SNTG2: variants seen among roughly 807,000 people sequenced by gnomAD.
SNTG2 encodes syntrophin gamma 2, also known as gamma-2-syntrophin.
In SNTG2, 74 loss-of-function variants were observed where a neutral mutation model predicts 70.9. That is an observed-to-expected ratio of 1.04 (90% CI 0.86 to 1.27). SNTG2 has a LOEUF of 1.27. Among genes scored for constraint, SNTG2 ranks in the 50% most tolerant of loss-of-function variants. The pLI is 0.00. For synonymous variants in SNTG2, 278 were observed against 273.8 expected (o/e 1.02, Z -0.15); for missense variants, 717 against 690.7 (o/e 1.04, Z -0.43).
intron 1 of SNTG2, among the ~76,000 whole-genome samples, chr2:1,059,806 A>T (rs1249981839): frequency 6.6e-6 from 1 of 152,242 alleles, no homozygotes; most frequent in East Asian, 1.9e-4. Context: ...AAACTGAGAC[A>T]TATCTGAAAA....
chr2:1,046,874 T>C (rs1355090652), intron 1 of SNTG2, among the ~76,000 whole-genome samples: 1 of 152,192 alleles, frequency 6.6e-6, no homozygotes, highest in East Asian at 1.9e-4. Flanking sequence ...TCAGGGGTCC[T>C]CTGAATTTCC....
chr2:996,673 G>GTTTTTTTCTTTTTTTTTTTTTTTTTTT (rs1661690956), intron 1 of SNTG2, among the ~76,000 whole-genome samples: 1 of 35,114 alleles, frequency 2.8e-5, no homozygotes, highest in African/African-American at 1.3e-4. Context: ...GAGTTACCCA[G>GTTTTTTTCTTTTTTTTTTTTTTTTTTT]TTTTTTTTTT....
At chr2:1,312,259 T>G (rs916288836) in intron 15 of SNTG2, among the ~76,000 whole-genome samples, 6 of 152,188 alleles carry the variant, frequency 3.9e-5, no homozygotes, top group African/African-American at 1.4e-4. Context: ...ACCCCCTAGC[T>G]GCTAGAGATG....
At chr2:1,000,534 A>C (rs1373294375) in intron 1 of SNTG2, among the ~76,000 whole-genome samples, 2 of 151,898 alleles carry the variant, frequency 1.3e-5, no homozygotes, top group Non-Finnish European at 2.9e-5. Flanking sequence ...GAAATACATA[A>C]ATTCTTGGAA....
At chr2:1,236,116 C>G (rs1676640485) in intron 9 of SNTG2, among the ~76,000 whole-genome samples, 1 of 152,166 alleles carries the variant, frequency 6.6e-6, no homozygotes, top group African/African-American at 2.4e-5. Flanking sequence ...TATGTCGCAC[C>G]AGTTAACATG....
intron 6 of SNTG2, among the ~76,000 whole-genome samples, chr2:1,148,400 G>A (rs1373941051): frequency 6.6e-6 from 1 of 152,222 alleles, no homozygotes; most frequent in Non-Finnish European, 1.5e-5. Flanking sequence ...GGGCAGCCCA[G>A]GTGCATGCTT....
chr2:1,364,826 C>T (rs962808308), intron 16 of SNTG2, among the ~76,000 whole-genome samples: 3 of 151,540 alleles, frequency 2.0e-5, no homozygotes, highest in East Asian at 1.9e-4. Context: ...AGGAGAATGG[C>T]GTGAACCCAG....
intron 1 of SNTG2, among the ~76,000 whole-genome samples, chr2:1,008,777 AAAAT>A (rs1400901673): frequency 6.6e-6 from 1 of 152,222 alleles, no homozygotes; most frequent in Non-Finnish European, 1.5e-5. Context: ...CTTTTCCATA[AAAAT>A]AAATACAAGT....
intron 1 of SNTG2, among the ~76,000 whole-genome samples, chr2:1,080,180 G>GCATCGGTCACTGGGGGATCTGGA (rs367635467): frequency 0.025 from 3,749 of 152,204 alleles, 175 homozygotes; most frequent in African/African-American, 0.086. Context: ...GTGCTCAGAT[G>GCATCGGTCACTGGGGGATCTGGA]CATCGGTCAC....
intron 4 of SNTG2, among the ~76,000 whole-genome samples, chr2:1,106,129 C>CTGTG (rs1666126004): frequency 2.6e-5 from 2 of 77,916 alleles, no homozygotes; most frequent in African/African-American, 6.8e-5. Flanking sequence ...TAGTGGACAC[C>CTGTG]TGCTGTCACT....
At chr2:1,334,285 TAAAAAAC>T (rs1659685326) in intron 16 of SNTG2, among the ~76,000 whole-genome samples, 1 of 151,990 alleles carries the variant, frequency 6.6e-6, no homozygotes, top group Non-Finnish European at 1.5e-5. Flanking sequence ...ATCAAAAAGT[TAAAAAAC>T]AATAGATGTC....
At chr2:1,365,406 A>C (rs1421078469) in intron 16 of SNTG2, among the ~76,000 whole-genome samples, 1 of 152,230 alleles carries the variant, frequency 6.6e-6, no homozygotes, top group East Asian at 1.9e-4. Context: ...ATTCACATGC[A>C]TAGGAAGGAA....
At chr2:1,042,401 G>T (rs1661490030) in intron 1 of SNTG2, among the ~76,000 whole-genome samples, 1 of 152,004 alleles carries the variant, frequency 6.6e-6, no homozygotes, top group Admixed American at 6.6e-5. Context: ...AGGTTCGGGG[G>T]TACACGTGCA....
At chr2:1,307,902 A>G (rs941560199) in intron 14 of SNTG2, among the ~76,000 whole-genome samples, 2 of 152,124 alleles carry the variant, frequency 1.3e-5, no homozygotes, top group Admixed American at 6.5e-5. Context: ...CGCCCTCCGC[A>G]CAAACCACCG....
chr2:1,158,661 G>A (rs1249659204), intron 6 of SNTG2, among the ~76,000 whole-genome samples: 1 of 152,204 alleles, frequency 6.6e-6, no homozygotes, highest in Non-Finnish European at 1.5e-5. Context: ...GGCACAGCAC[G>A]GCCAGGGGTG....
chr2:953,846 T>C (rs1176209643), intron 1 of SNTG2, among the ~76,000 whole-genome samples: 1 of 152,226 alleles, frequency 6.6e-6, no homozygotes, highest in Non-Finnish European at 1.5e-5. Flanking sequence ...AACAGCTTCT[T>C]GTCTCTGGAT....
At chr2:992,297 T>TA (rs1416095414) in intron 1 of SNTG2, among the ~76,000 whole-genome samples, 1 of 151,804 alleles carries the variant, frequency 6.6e-6, no homozygotes, top group Non-Finnish European at 1.5e-5. Flanking sequence ...CAAGTAAAAA[T>TA]ATGAGATAGT....
At chr2:1,069,504 A>T (rs1198031080) in intron 1 of SNTG2, among the ~76,000 whole-genome samples, 1 of 149,834 alleles carries the variant, frequency 6.7e-6, no homozygotes, top group African/African-American at 2.5e-5. Context: ...AAAAAAAAAC[A>T]AAAACAGGCT....
chr2:965,459 GCCT>G (rs1234067231), intron 1 of SNTG2, among the ~76,000 whole-genome samples: 4 of 149,722 alleles, frequency 2.7e-5, no homozygotes, highest in Non-Finnish European at 1.5e-5. Flanking sequence ...CCTGTTGGTT[GCCT>G]CCTCCTCCTT....
Sources: allele counts gnomAD v4.1 joint callset (sites outside exome capture counted in the v4.1 genomes callset), GRCh38; gene constraint gnomAD v4.1.1; transcripts MANE v1.5; gene names NCBI Gene and HGNC (gene_info 2026-07-23, HGNC 2026-07-21).